Variants in EHD2 observed in about 807,000 individuals in gnomAD.
EHD2 encodes EH domain containing 2, also known as EH domain-containing protein 2.
A neutral mutation model predicts 41.0 loss-of-function variants in EHD2; 27 were observed. That is an observed-to-expected ratio of 0.66 (90% confidence interval 0.49 to 0.91). The LOEUF is 0.91. Ranked by LOEUF, EHD2 falls within the 40% of genes least tolerant of loss-of-function variation. The pLI is 0.00. For synonymous variants in EHD2, 342 were observed against 341.0 expected, an observed-to-expected ratio of 1.00 and a Z score of -0.03; for missense variants, 673 against 773.9, an observed-to-expected ratio of 0.87 and a Z score of 1.55.
chr19:47,730,546 C>T (rs1011796239), intron 4 of EHD2, among the ~76,000 whole-genome samples: 22 of 152,120 alleles, frequency 1.4e-4, no homozygotes, highest in African/African-American at 5.3e-4. Flanking sequence ...TCGTCACCAA[C>T]AATAGCCATA....
Position 47,741,333 on chromosome 19 carries a change from C to A in EHD2, c.1533C>A (p.His511Gln), listed in dbSNP as rs759225971. The A allele has an allele frequency of 6.2e-7, 1 of 1,612,762 alleles. No individual in the cohort carries two copies. Among genetic ancestry groups the A allele is most frequent in the Non-Finnish European group, 8.5e-7 (1 of 1,179,866 alleles). ...LDDEEFALAS[H>Q]LIEAKLEGHG... is the part of the protein sequence containing the mutation. ...ATGAGGAGTTCGCGCTGGCCAGCCA[C>A]CTCATCGAGGCCAAGCTGGAAGGCC... Residue 511 changes from histidine to glutamine, a missense_variant, in exon 6 of 6, where the codon CAC becomes CAA. His to Gln is a conservative substitution (Grantham distance 24). Transcript: ENST00000263277. This position sits in a 1 kb window ranked among gnomAD's most constrained non-coding sequence, Gnocchi z 4.5.
At chr19:47,715,434 T>C (rs572017229) in intron 1 of EHD2, among the ~76,000 whole-genome samples, 1 of 152,192 alleles carries the variant, frequency 6.6e-6, no homozygotes, top group African/African-American at 2.4e-5. Context: ...AACCCTGCCC[T>C]GAGTCTTACT....
intron 4 of EHD2, among the ~76,000 whole-genome samples, chr19:47,732,824 C>A (rs1331573431): frequency 6.6e-6 from 1 of 152,088 alleles, no homozygotes; most frequent in Non-Finnish European, 1.5e-5. Context: ...TGGCTCACAC[C>A]TGTAATCCCA....
At chr19:47,723,087 G>T (rs1351246310) in intron 3 of EHD2, among the ~76,000 whole-genome samples, 6 of 152,196 alleles carry the variant, frequency 3.9e-5, no homozygotes, top group Non-Finnish European at 8.8e-5. Context: ...TTGACCCCCA[G>T]GCTGGGGGTT....
rs1221960817 is a variant in EHD2 at position 47,742,223 on chromosome 19, CTTT to C, written c.*795_*797del. On this transcript the variant is annotated 3_prime_UTR_variant, in exon 6 of 6. Transcript: ENST00000263277. ...CATTTCTTTCTTTCCTTCCTTCCTT[CTTT>C]TTTGTTTTTGCCCCCAGTTCTGTCC... 1.8e-5 allele frequency: 6 copies of C among 329,822 alleles called. No individual in the cohort carries two copies. In the Admixed American group the frequency reaches 1.9e-4, roughly 11 times the overall value. 20.4% of individuals were successfully genotyped at this position (329,822 alleles called of 1,614,324 possible).
chr19:47,741,447 C>T lies in EHD2; in HGVS notation c.*15C>T, dbSNP rs1156568962. ...CCGCCGAGTGAGCCGGCCCCCCTCC[C>T]ATGGCCCTGCTGTGGCTCCCCAGCT... On this transcript the variant is annotated 3_prime_UTR_variant, in exon 6 of 6. Transcript: ENST00000263277. The surrounding 1 kb of genome is among the most constrained non-coding windows in gnomAD (Gnocchi z 4.5). 6 of 1,556,076 alleles carry T rather than the reference C, an allele frequency of 3.9e-6. No homozygotes were observed. Among genetic ancestry groups the T allele is most frequent in the Non-Finnish European group, 5.2e-6 (6 of 1,158,408 alleles).
At chr19:47,725,508 T>G (rs944441406) in intron 3 of EHD2, among the ~76,000 whole-genome samples, 1 of 151,510 alleles carries the variant, frequency 6.6e-6, no homozygotes, top group African/African-American at 2.4e-5. Flanking sequence ...AAGCAGAGGT[T>G]GCAGGGAGGC....
intron 4 of EHD2, among the ~76,000 whole-genome samples, chr19:47,729,458 AC>A (rs751310947): frequency 6.6e-6 from 1 of 152,092 alleles, no homozygotes; most frequent in Non-Finnish European, 1.5e-5. Flanking sequence ...GAGCCTGGAG[AC>A]CAGGCAAAAG....
intron 3 of EHD2, among the ~76,000 whole-genome samples, chr19:47,718,825 TGG>T (rs1158955037): frequency 3.8e-5 from 4 of 104,100 alleles, no homozygotes; most frequent in African/African-American, 1.6e-4. Flanking sequence ...GAGGAGGGGC[TGG>T]GGGCCTGGAC....
rs763581356 is a variant in EHD2 at position 47,741,313 on chromosome 19, G to C, written c.1513G>C (p.Glu505Gln). The C allele has an allele frequency of 1.2e-6, 2 of 1,613,564 alleles. No homozygotes were observed. The highest frequency in any genetic ancestry group is 2.2e-5 in the East Asian group (1 of 44,878). ...CCGCGACGGCATGCTGGATGATGAGGAGTTCGCGCTGGCCAGCCACCTCAT... is the reference window on the plus strand; with the variant it reads ...CCGCGACGGCATGCTGGATGATGAGCAGTTCGCGCTGGCCAGCCACCTCAT... ...VDRDGMLDDE[E>Q]FALASHLIEA... Residue 505 changes from glutamate (E) to glutamine (Q), a missense_variant, in exon 6 of 6, where the codon GAG becomes CAG. Glu to Gln is a conservative substitution (Grantham distance 29). Coordinates refer to ENST00000263277, the MANE Select transcript of EHD2 (RefSeq NM_014601.4). The surrounding 1 kb of genome is among the most constrained non-coding windows in gnomAD (Gnocchi z 4.5).
Position 47,725,801 on chromosome 19 carries a change from T to G in EHD2, c.503-11T>G. The stretch of plus-strand genomic sequence containing the variant: ...GCCCCTTGCGCCCCTGTCTCTCCAC[T>G]CCCACTCCAGGCTACGACTTCCCGG... On this transcript the variant is annotated splice_polypyrimidine_tract_variant and intron_variant, in intron 3 of 5. Coordinates refer to ENST00000263277, the MANE Select transcript of EHD2 (RefSeq NM_014601.4). The G allele has an allele frequency of 6.4e-7, 1 of 1,568,148 alleles. No homozygotes were observed. Among genetic ancestry groups the G allele is most frequent in the Non-Finnish European group, 8.7e-7 (1 of 1,151,340 alleles).
intron 1 of EHD2, among the ~76,000 whole-genome samples, 158 bp downstream of exon 1, chr19:47,713,696 C>A (rs1973597218): frequency 6.6e-6 from 1 of 151,028 alleles, no homozygotes; most frequent in Non-Finnish European, 1.5e-5. Context: ...AGTCTGTAAC[C>A]ATGTCCCCCA....
rs146434072 is a variant in EHD2 at position 47,730,666 on chromosome 19, G to T, written c.915+4442G>T. Among the ~76,000 whole-genome samples, 297 of 152,260 alleles carry T rather than the reference G, an allele frequency of 2.0e-3. 2 individuals are homozygous for T. Among genetic ancestry groups the T allele is most frequent in the African/African-American group, 6.9e-3 (287 of 41,548 alleles). On this transcript the variant is annotated intron_variant, in intron 4 of 5. Transcript: ENST00000263277. ...GCCTCAGTTTCCCATCTGTACGATG[G>T]AGGGTGTGGACGAATCCTCTGGCTC... is the stretch of plus-strand genomic sequence containing the variant.
At chr19:47,716,303 CT>C (rs1242186610) in intron 1 of EHD2, among the ~76,000 whole-genome samples, 1 of 151,984 alleles carries the variant, frequency 6.6e-6, no homozygotes, top group African/African-American at 2.4e-5. Context: ...TCTTCAACTA[CT>C]GACCTCAAGC....
In EHD2 at chr19:47,726,210, G is replaced by T; in HGVS notation, c.901G>T (p.Ala301Ser). The change falls in exon 4 of 6, where the codon GCC becomes TCC. Residue 301 changes from alanine to serine, a missense_variant. By Grantham distance (99) the Ala-to-Ser change is moderately conservative. Coordinates refer to ENST00000263277, the MANE Select transcript of EHD2 (RefSeq NM_014601.4). ...CAAGCTCAACGACCTGGTGAAGAGGGCCCGGCTGGTGCGAGTGAGTAGTCC... is the reference window on the plus strand; with the variant it reads ...CAAGCTCAACGACCTGGTGAAGAGGTCCCGGCTGGTGCGAGTGAGTAGTCC... ...LRKLNDLVKR[A>S]RLVRVHAYII... 6.6e-7 allele frequency: 1 copy of T among 1,522,344 alleles called. No homozygotes were observed. 94.3% of individuals were successfully genotyped at this position (1,522,344 alleles called of 1,614,324 possible). A position where few individuals can be genotyped will look rare whatever the true frequency, so the allele number is the denominator to read the frequency against.
intron 4 of EHD2, chr19:47,731,279 A>AATTAT (rs1555793892): frequency 3.3e-5 from 2 of 60,934 alleles, no homozygotes; most frequent in East Asian, 9.5e-4. Flanking sequence ...AAAAAAAAAA[A>AATTAT]ATATATATAT....
intron 4 of EHD2, chr19:47,731,279 A>AAAATATATATATATATAT: frequency 1.6e-5 from 1 of 60,934 alleles, no homozygotes; most frequent in African/African-American, 4.9e-5. Flanking sequence ...AAAAAAAAAA[A>AAAATATATATATATATAT]ATATATATAT....
chr19:47,741,099 C>T lies in EHD2; in HGVS notation c.1299C>T (p.Asp433=), dbSNP rs758165302. The change falls in exon 6 of 6, where the codon GAC becomes GAT. Residue 433 remains aspartate (D), a synonymous_variant. Transcript: ENST00000263277. This position sits in a 1 kb window ranked among gnomAD's most constrained non-coding sequence, Gnocchi z 4.5. ...VERGPDEAME[D]GEEGSDDEAE... ...GGGGACCTGACGAGGCCATGGAGGA[C>T]GGCGAGGAGGGCTCGGACGACGAGG... 177 of 1,610,006 alleles carry T rather than the reference C, an allele frequency of 1.1e-4. No homozygotes were observed. The highest frequency in any genetic ancestry group is 6.2e-4 in the Admixed American group (37 of 59,976).
At chr19:47,715,366 G>A (rs574465753) in intron 1 of EHD2, among the ~76,000 whole-genome samples, 43 of 152,058 alleles carry the variant, frequency 2.8e-4, no homozygotes, top group Admixed American at 1.2e-3. Flanking sequence ...TGCACGCACC[G>A]TCCTCTCTGC....
Sources: gnomAD v4.1 joint callset for allele counts (sites outside exome capture counted in the v4.1 genomes callset) on GRCh38, gnomAD v4.1.1 for gene constraint, Gnocchi (gnomAD v3.1) non-coding constraint, MANE v1.5 for transcripts, NCBI Gene and HGNC (gene_info 2026-07-23, HGNC 2026-07-21) for gene names.